Variants in IMMP2L observed in about 807,000 individuals in gnomAD.
IMMP2L encodes mitochondrial inner membrane protease subunit 2.
Under a neutral mutation model 19.3 loss-of-function variants are expected in IMMP2L, and 18 were observed. The ratio of observed to expected loss-of-function variants is 0.93; its 90% CI spans 0.64 to 1.38. IMMP2L has a LOEUF of 1.38. Among genes scored for constraint, IMMP2L ranks in the 40% most tolerant of loss-of-function variants. The pLI is 0.00. For synonymous variants in IMMP2L, 76 were observed against 73.0 expected (o/e 1.04, Z -0.21); for missense variants, 233 against 218.2 (o/e 1.07, Z -0.43).
chr7:111,174,173 T>C (rs1029140752), intron 3 of IMMP2L, among the ~76,000 whole-genome samples: 1 of 151,700 alleles, frequency 6.6e-6, no homozygotes, highest in African/African-American at 2.4e-5. Context: ...CAATCATCAG[T>C]GAACTGGCTA....
At chr7:110,717,088 A>G (rs755415604) in intron 5 of IMMP2L, among the ~76,000 whole-genome samples, 5 of 152,218 alleles carry the variant, frequency 3.3e-5, no homozygotes, top group Non-Finnish European at 7.3e-5. Flanking sequence ...TGGAATGAAG[A>G]AGAAGGTAGC....
chr7:111,360,255 A>C (rs1252594092), intron 3 of IMMP2L, among the ~76,000 whole-genome samples: 2 of 152,170 alleles, frequency 1.3e-5, no homozygotes, highest in African/African-American at 4.8e-5. Flanking sequence ...ATTTTATTAC[A>C]TGCATACTAA....
At chr7:110,838,170 TC>T (rs2131425457) in intron 5 of IMMP2L, among the ~76,000 whole-genome samples, 1 of 150,558 alleles carries the variant, frequency 6.6e-6, no homozygotes, top group South Asian at 2.1e-4. Context: ...GGGCCTTTGA[TC>T]CTATATTCCT....
In IMMP2L at chr7:110,921,072, TTAAA is replaced by T. The variant is rs1161094330; in HGVS notation, c.306-34381_306-34378del. 6.3e-4 allele frequency among the ~76,000 whole-genome samples: 96 copies of T among 152,324 alleles called. 1 individual carries two copies. The highest frequency in any genetic ancestry group is 2.3e-3 in the African/African-American group (94 of 41,580). On this transcript the variant is annotated intron_variant, in intron 4 of 5. Transcript: ENST00000405709. ...AATAAGAATTAGAACTGCCAGCTTC[TTAAA>T]TGAGAGATTCATGTTGAATAATATT...
intron 1 of IMMP2L, among the ~76,000 whole-genome samples, chr7:111,554,575 C>T (rs1791044021): frequency 6.6e-6 from 1 of 152,036 alleles, no homozygotes; most frequent in Non-Finnish European, 1.5e-5. Flanking sequence ...TGAACTCTAT[C>T]ATAGCACATA....
chr7:111,366,344 GA>G (rs34751093), intron 3 of IMMP2L, among the ~76,000 whole-genome samples: 6,132 of 117,886 alleles, frequency 0.052, 150 homozygotes, highest in African/African-American at 0.064. Flanking sequence ...AAAAAAGAAA[GA>G]AAAAAAAAAA....
chr7:110,723,144 A>G (rs1267627014), intron 5 of IMMP2L, among the ~76,000 whole-genome samples: 2 of 152,194 alleles, frequency 1.3e-5, no homozygotes, highest in African/African-American at 4.8e-5. Context: ...TGAAATGGCC[A>G]TCAAGCTATA....
chr7:110,975,327 A>G (rs1820579547), intron 3 of IMMP2L, among the ~76,000 whole-genome samples: 1 of 152,158 alleles, frequency 6.6e-6, no homozygotes, highest in South Asian at 2.1e-4. Context: ...ATAGTTCCCA[A>G]AAATCCAATC....
chr7:111,095,656 A>C (rs1797321774), intron 3 of IMMP2L, among the ~76,000 whole-genome samples: 1 of 152,078 alleles, frequency 6.6e-6, no homozygotes, highest in Admixed American at 6.6e-5. Context: ...TAATACTGCT[A>C]TCCTTCACCT....
Position 111,123,836 on chromosome 7 carries a change from A to T in IMMP2L, c.240-160271T>A. On this transcript the variant is annotated intron_variant, in intron 3 of 5. Coordinates refer to ENST00000405709, the MANE Select transcript of IMMP2L (RefSeq NM_032549.4). The surrounding 1 kb of genome is among the most constrained non-coding windows in gnomAD (Gnocchi z 6.4). ...AGTGCCCTGTACCATGGTACCATTGAGTCTCTGCCAAACCTCAAGGAAATC... is the reference window on the plus strand; with the variant it reads ...AGTGCCCTGTACCATGGTACCATTGTGTCTCTGCCAAACCTCAAGGAAATC... 1.9e-6 allele frequency: 3 copies of T among 1,613,990 alleles called. No homozygotes were observed. Among genetic ancestry groups the T allele is most frequent in the Non-Finnish European group, 2.5e-6 (3 of 1,179,976 alleles).
intron 3 of IMMP2L, among the ~76,000 whole-genome samples, chr7:111,106,628 G>A (rs995103452): frequency 2.0e-5 from 3 of 149,954 alleles, no homozygotes; most frequent in African/African-American, 7.4e-5. Context: ...TGGCTGCTAA[G>A]AGATGTGAGG....
At chr7:111,124,050 G>A (rs781311396) in intron 3 of IMMP2L, 2 of 1,614,064 alleles carry the variant, frequency 1.2e-6, no homozygotes, top group Non-Finnish European at 1.7e-6. Context: ...TAGCTCCTGA[G>A]AGCTTTCCTT....
intron 3 of IMMP2L, among the ~76,000 whole-genome samples, chr7:111,344,655 T>C (rs1827357104): frequency 6.6e-6 from 1 of 152,218 alleles, no homozygotes; most frequent in Non-Finnish European, 1.5e-5. Flanking sequence ...TTTCTCTAAA[T>C]TTCACCTTCA....
intron 3 of IMMP2L, among the ~76,000 whole-genome samples, chr7:111,460,524 A>G (rs1840047940): frequency 6.6e-6 from 1 of 152,140 alleles, no homozygotes; most frequent in Non-Finnish European, 1.5e-5. Context: ...AGATTTTTTA[A>G]TAAATGTTTT....
intron 3 of IMMP2L, among the ~76,000 whole-genome samples, chr7:110,993,580 C>T (rs1490147616): frequency 6.6e-6 from 1 of 151,250 alleles, no homozygotes; most frequent in East Asian, 1.9e-4. Context: ...CATGCCTTTA[C>T]CTATTAGATT....
At chr7:111,094,463 T>C (rs1407817954) in intron 3 of IMMP2L, among the ~76,000 whole-genome samples, 2 of 152,140 alleles carry the variant, frequency 1.3e-5, no homozygotes, top group Admixed American at 6.6e-5. Context: ...ACTAGACATG[T>C]GTACAGCACA....
At chr7:110,722,167 A>G (rs1795615031) in intron 5 of IMMP2L, among the ~76,000 whole-genome samples, 2 of 152,100 alleles carry the variant, frequency 1.3e-5, no homozygotes, top group African/African-American at 4.8e-5. Flanking sequence ...ACAGTCAAAA[A>G]AGCAGAATAG....
intron 3 of IMMP2L, among the ~76,000 whole-genome samples, chr7:111,475,255 A>T (rs1008906043): frequency 7.2e-5 from 11 of 152,166 alleles, no homozygotes; most frequent in African/African-American, 2.4e-4. Flanking sequence ...CAATTTTTTT[A>T]AAAGGCATTC....
chr7:111,105,113 T>C (rs1406683941), intron 3 of IMMP2L, among the ~76,000 whole-genome samples: 1 of 151,822 alleles, frequency 6.6e-6, no homozygotes, highest in Admixed American at 6.6e-5. Context: ...AAAAATATAT[T>C]CTTAACTCTG....
Sources: allele counts gnomAD v4.1 joint callset (sites outside exome capture counted in the v4.1 genomes callset), GRCh38; gene constraint gnomAD v4.1.1; non-coding constraint Gnocchi (gnomAD v3.1); transcripts MANE v1.5; gene names NCBI Gene and HGNC (gene_info 2026-07-23, HGNC 2026-07-21).